The following AKR1D1 variants were observed in gnomAD, a reference collection of about 807,000 sequenced individuals.
AKR1D1 encodes the protein delta(4)-3-ketosteroid 5-beta-reductase.
AKR1D1 carries 32 observed loss-of-function variants against 42.6 expected under a neutral mutation model. The ratio of observed to expected loss-of-function variants is 0.75; its 90% CI spans 0.57 to 1.01. The LOEUF is 1.01. Among genes scored for constraint, AKR1D1 ranks in the 50% least tolerant of loss-of-function variants. AKR1D1 has a pLI of 0.00. For synonymous variants in AKR1D1, 123 were observed against 135.5 expected, an observed-to-expected ratio of 0.91 and a Z score of 0.64; for missense variants, 364 against 402.2, an observed-to-expected ratio of 0.91 and a Z score of 0.81.
chr7:138,083,510 G>A (rs10226024), intron 1 of AKR1D1, among the ~76,000 whole-genome samples: 87,842 of 151,956 alleles, frequency 0.58, 25,519 homozygotes, highest in Middle Eastern at 0.63. Flanking sequence ...TATACGGTTT[G>A]CAAATATTTT....
intron 1 of AKR1D1, among the ~76,000 whole-genome samples, chr7:138,084,596 G>C (rs867511570): frequency 1.7e-4 from 26 of 151,978 alleles, no homozygotes; most frequent in African/African-American, 6.3e-4. Context: ...TTGTTTTACT[G>C]TTCAGTGAGA....
At position 138,076,562 on chromosome 7, in the gene AKR1D1, G is replaced by A. The variant is rs1585715567; in HGVS notation, c.44G>A (p.Gly15Glu). The A allele has an allele frequency of 3.1e-6, 5 of 1,613,584 alleles. No individual in the cohort carries two copies. The East Asian group carries it at 1.1e-4, about 36-fold the overall frequency. The change falls in exon 1 of 9, where the codon GGA becomes GAA. Residue 15 changes from glycine to glutamate, a missense_variant. Physicochemically the swap from Gly to Glu is moderately conservative, Grantham distance 98 (BLOSUM62 -2). Coordinates refer to ENST00000242375, the MANE Select transcript of AKR1D1 (RefSeq NM_005989.4). ...AGTCACCGCATACCTCTAAGTGATGGAAACAGCATTCCCATCATCGGACTT... is the reference window on the plus strand; with the variant it reads ...AGTCACCGCATACCTCTAAGTGATGAAAACAGCATTCCCATCATCGGACTT... Reference protein sequence around the residue: ...AASHRIPLSDGNSIPIIGLGT... With the variant: ...AASHRIPLSDENSIPIIGLGT...
rs1467203831 is a variant in AKR1D1, at chr7:138,113,783, G to A, written c.938+11G>A. 3 of 1,612,322 alleles carry A rather than the reference G, an allele frequency of 1.9e-6. No individual in the cohort carries two copies. The African/African-American group carries it at 4.0e-5, about 22-fold the overall frequency. ...TGTAGAATTGCTCATGTAAGTTCCG[G>A]GGATCATTAATGGGTATTGACCAGT... On this transcript the variant is annotated intron_variant, in intron 8 of 8. Coordinates refer to ENST00000242375, the MANE Select transcript of AKR1D1 (RefSeq NM_005989.4).
At chr7:138,108,760 T>C (rs901193060) in intron 7 of AKR1D1, among the ~76,000 whole-genome samples, 3 of 152,202 alleles carry the variant, frequency 2.0e-5, no homozygotes, top group African/African-American at 4.8e-5. Flanking sequence ...TAGTTGATGA[T>C]GATATAGTGT....
chr7:138,077,312 C>T (rs1802960665), intron 1 of AKR1D1, among the ~76,000 whole-genome samples: 1 of 152,152 alleles, frequency 6.6e-6, no homozygotes. Context: ...AAAACACGTC[C>T]TTCTTCATAA....
chr7:138,090,437 G>A (rs1281176986), intron 2 of AKR1D1, among the ~76,000 whole-genome samples: 1 of 152,064 alleles, frequency 6.6e-6, no homozygotes, highest in Non-Finnish European at 1.5e-5. Flanking sequence ...AGAAGTTCGA[G>A]ACCAGACTGG....
intron 2 of AKR1D1, 73 bp downstream of exon 2, chr7:138,088,841 C>A: frequency 8.1e-7 from 1 of 1,230,164 alleles, no homozygotes; most frequent in Non-Finnish European, 1.1e-6. Context: ...ATTCATCTTC[C>A]GTGTGTGTGT....
intron 1 of AKR1D1, among the ~76,000 whole-genome samples, chr7:138,087,031 T>A (rs1410454054): frequency 6.6e-6 from 1 of 152,206 alleles, no homozygotes; most frequent in Non-Finnish European, 1.5e-5. Context: ...AAATGGTGTC[T>A]TACTCTATTT....
Position 138,088,748 on chromosome 7 carries a change from G to T in AKR1D1, c.241G>T (p.Asp81Tyr). ...AGCAGAAGGAAAGGTGCGGAGGGAA[G>T]ATATCTTCTACTGTGGAAAGGTGAG... ...KIAEGKVRRE[D>Y]IFYCGKLWAT... Residue 81 changes from aspartate (D) to tyrosine (Y), a missense_variant, in exon 2 of 9, where the codon GAT (aspartate) becomes TAT (tyrosine). Asp to Tyr is a radical substitution (Grantham distance 160). Transcript: ENST00000242375. 6.2e-7 allele frequency: 1 copy of T among 1,604,860 alleles called. No individual in the cohort carries two copies. The highest frequency in any genetic ancestry group is 1.1e-5 in the South Asian group (1 of 89,540).
chr7:138,099,442 A>T (rs1001127057), intron 4 of AKR1D1, among the ~76,000 whole-genome samples: 1 of 152,258 alleles, frequency 6.6e-6, no homozygotes, highest in Non-Finnish European at 1.5e-5. Context: ...AAAAGATATT[A>T]GCAATATAAA....
chr7:138,076,634 T>G, intron 1 of AKR1D1, 23 bp downstream of exon 1: 1 of 1,574,626 alleles, frequency 6.4e-7, no homozygotes, highest in Non-Finnish European at 8.7e-7. Flanking sequence ...TTTCTCTCTT[T>G]GCTTGCTTGT....
rs146747661 is a variant in AKR1D1, at chr7:138,085,099, T to G, written c.94-3502T>G. Among the ~76,000 whole-genome samples, 368 of 150,234 alleles carry G rather than the reference T, an allele frequency of 2.4e-3. 1 individual carries two copies. The highest frequency in any genetic ancestry group is 8.5e-3 in the African/African-American group (348 of 40,890). Reference sequence around the variant, plus strand: ...AAAGAATTACAAAGTGTGGTCCTCATGTCCACAGTCCCAACTAGTTCCTCC... The same window carrying G: ...AAAGAATTACAAAGTGTGGTCCTCAGGTCCACAGTCCCAACTAGTTCCTCC... On this transcript the variant is annotated intron_variant, in intron 1 of 8. Coordinates refer to ENST00000242375, the MANE Select transcript of AKR1D1 (RefSeq NM_005989.4).
At chr7:138,107,872 T>C (rs996515069) in intron 7 of AKR1D1, among the ~76,000 whole-genome samples, 2 of 152,138 alleles carry the variant, frequency 1.3e-5, no homozygotes, top group South Asian at 4.1e-4. Flanking sequence ...TGTTTAGAGA[T>C]AGGGTCTTGC....
At chr7:138,087,904 T>C (rs576131321) in intron 1 of AKR1D1, among the ~76,000 whole-genome samples, 2 of 152,022 alleles carry the variant, frequency 1.3e-5, no homozygotes, top group African/African-American at 4.8e-5. Context: ...TTTTTTTTTT[T>C]TTTTGAGACA....
chr7:138,103,842 CAG>C (rs1373837781), intron 4 of AKR1D1, among the ~76,000 whole-genome samples: 1 of 152,042 alleles, frequency 6.6e-6, no homozygotes, highest in African/African-American at 2.4e-5. Context: ...AAAAAATTGA[CAG>C]AATACAGGAG....
chr7:138,100,088 C>CAAAGAAAAAAAAAAA (rs1794262405), intron 4 of AKR1D1, among the ~76,000 whole-genome samples: 1 of 43,538 alleles, frequency 2.3e-5, no homozygotes, highest in Non-Finnish European at 3.8e-5. Flanking sequence ...GATTTCATCT[C>CAAAGAAAAAAAAAAA]AAAAAAAAAA....
chr7:138,098,269 G>T, intron 4 of AKR1D1: 1 of 227,650 alleles, frequency 4.4e-6, no homozygotes, highest in Non-Finnish European at 8.6e-6. Flanking sequence ...ATATCAAGTT[G>T]TTAATATGAT....
intron 3 of AKR1D1, among the ~76,000 whole-genome samples, chr7:138,093,183 C>T (rs890019871): frequency 6.6e-6 from 1 of 151,774 alleles, no homozygotes; most frequent in Non-Finnish European, 1.5e-5. Context: ...ATTCTCCTGC[C>T]TCAGCCTCCC....
chr7:138,080,083 G>T (rs1175835535), intron 1 of AKR1D1, among the ~76,000 whole-genome samples: 1 of 152,184 alleles, frequency 6.6e-6, no homozygotes, highest in African/African-American at 2.4e-5. Flanking sequence ...CAGTAAATGG[G>T]TAGGAATAGT....
Sources: gnomAD v4.1 joint callset for allele counts (sites outside exome capture counted in the v4.1 genomes callset) on GRCh38, gnomAD v4.1.1 for gene constraint, MANE v1.5 for transcripts, NCBI Gene and HGNC (gene_info 2026-07-23, HGNC 2026-07-21) for gene names.